The following KLHL5 variants were observed in gnomAD, a reference collection of about 807,000 sequenced individuals.
The protein encoded by KLHL5 is kelch like family member 5, also known as kelch-like protein 5.
Under a neutral mutation model 77.7 loss-of-function variants are expected in KLHL5, and 48 were observed. That is an observed-to-expected ratio of 0.62 (90% CI 0.49 to 0.79). The LOEUF is 0.79. Among genes scored for constraint, KLHL5 ranks in the 30% least tolerant of loss-of-function variants. The probability of loss-of-function intolerance (pLI) is 0.00; values close to 1 mark genes in which losing one functional copy is unlikely to be tolerated. For synonymous variants in KLHL5, 260 were observed against 297.0 expected (o/e 0.88, Z 1.28); for missense variants, 723 against 859.7 (o/e 0.84, Z 1.99).
intron 1 of KLHL5, among the ~76,000 whole-genome samples, chr4:39,052,960 TA>T (rs547862065): frequency 1.4e-3 from 214 of 152,356 alleles, no homozygotes; most frequent in African/African-American, 4.8e-3. Flanking sequence ...TGATCTCCAC[TA>T]ATCTCCATTT....
intron 2 of KLHL5, among the ~76,000 whole-genome samples, chr4:39,080,535 A>T (rs1033305226): frequency 1.1e-4 from 17 of 151,790 alleles, no homozygotes; most frequent in Non-Finnish European, 2.4e-4. Context: ...AAAAAAAAAA[A>T]ATTATAATTT....
intron 6 of KLHL5, among the ~76,000 whole-genome samples, chr4:39,098,943 C>T (rs1363683284): frequency 6.6e-6 from 1 of 152,068 alleles, no homozygotes; most frequent in East Asian, 1.9e-4. Flanking sequence ...TTTGGGAAAA[C>T]TGGGTCAAAG....
At chr4:39,077,978 A>C (rs904097354) in intron 2 of KLHL5, among the ~76,000 whole-genome samples, 2 of 152,208 alleles carry the variant, frequency 1.3e-5, no homozygotes, top group South Asian at 2.1e-4. Context: ...GATTCTCAGC[A>C]ACCTGGATGG....
chr4:39,059,198 T>C (rs1374230923), upstream of KLHL5, among the ~76,000 whole-genome samples: 1 of 152,168 alleles, frequency 6.6e-6, no homozygotes, highest in Non-Finnish European at 1.5e-5. Flanking sequence ...CTGAATTTCA[T>C]GCCATAAAGG....
chr4:39,119,568 G>A (rs1208714421), intron 10 of KLHL5, among the ~76,000 whole-genome samples: 2 of 152,198 alleles, frequency 1.3e-5, no homozygotes, highest in Admixed American at 1.3e-4. Context: ...CTGGGTGACA[G>A]TGCAAGACTC....
rs577472922 is a variant in KLHL5, at chr4:39,050,184, T to C, written c.-95+5088T>C. Among the ~76,000 whole-genome samples, 55 of 152,350 alleles carry C rather than the reference T, an allele frequency of 3.6e-4. 1 individual carries two copies. Among genetic ancestry groups the C allele is most frequent in the African/African-American group, 1.3e-3 (52 of 41,578 alleles). Reference sequence around the variant, plus strand: ...GGCATCATTTACAGTATGTAAATGATGTGTATACACACATATATAAAATAG... The same window carrying C: ...GGCATCATTTACAGTATGTAAATGACGTGTATACACACATATATAAAATAG... On this transcript the variant is annotated intron_variant, in intron 1 of 11. Transcript: ENST00000261425.
chr4:39,085,710 G>A (rs1292742864), intron 4 of KLHL5, among the ~76,000 whole-genome samples: 1 of 152,020 alleles, frequency 6.6e-6, no homozygotes, highest in Admixed American at 6.6e-5. Flanking sequence ...TGATTCTAAC[G>A]TGAGGCCAGG....
At chr4:39,114,872 T>C (rs780478228) in intron 9 of KLHL5, among the ~76,000 whole-genome samples, 4 of 152,214 alleles carry the variant, frequency 2.6e-5, no homozygotes, top group Non-Finnish European at 5.9e-5. Flanking sequence ...CAGAGCTTAA[T>C]GCATTGCTTT....
chr4:39,091,679 T>A (rs566376684), intron 5 of KLHL5, among the ~76,000 whole-genome samples: 3 of 151,618 alleles, frequency 2.0e-5, no homozygotes, highest in Non-Finnish European at 4.4e-5. Flanking sequence ...AAACAACTTT[T>A]TTTTTTTTTT....
chr4:39,100,857 CT>C (rs1235917349), intron 6 of KLHL5, among the ~76,000 whole-genome samples: 3 of 152,004 alleles, frequency 2.0e-5, no homozygotes, highest in Non-Finnish European at 4.4e-5. Flanking sequence ...CCTAATTTAT[CT>C]TATTTCCCAT....
downstream of KLHL5, among the ~76,000 whole-genome samples, chr4:39,130,396 G>A (rs1335168469): frequency 6.6e-6 from 1 of 152,182 alleles, no homozygotes; most frequent in Non-Finnish European, 1.5e-5. Context: ...TGCCCTAGGT[G>A]GGCCAGGTGT....
chr4:39,116,042 A>G, intron 10 of KLHL5: 12 of 985,398 alleles, frequency 1.2e-5, no homozygotes, highest in Non-Finnish European at 1.4e-5. Context: ...CAAGAAAACA[A>G]AGCTTCTAGG....
chr4:39,064,429 A>G (rs901128294), intron 1 of KLHL5, among the ~76,000 whole-genome samples: 2 of 152,146 alleles, frequency 1.3e-5, no homozygotes, highest in East Asian at 1.9e-4. Context: ...TAAAAGATTC[A>G]TCATTTTTGT....
the KLHL5 span, among the ~76,000 whole-genome samples, chr4:39,141,253 G>A: frequency 6.7e-6 from 1 of 150,238 alleles, no homozygotes; most frequent in Non-Finnish European, 1.5e-5. Context: ...ATATTTCTGA[G>A]CTATATTAAA....
chr4:39,046,181 C>G (rs1716174402), intron 1 of KLHL5, among the ~76,000 whole-genome samples: 1 of 151,652 alleles, frequency 6.6e-6, no homozygotes, highest in South Asian at 2.1e-4. Flanking sequence ...GCAGGGAGGG[C>G]AGAATCAACA....
chr4:39,106,029 G>A (rs891968303), intron 7 of KLHL5, among the ~76,000 whole-genome samples: 8 of 152,080 alleles, frequency 5.3e-5, no homozygotes, highest in East Asian at 3.9e-4. Flanking sequence ...CATGGAGACC[G>A]TTCTCCATCT....
At chr4:39,082,427 T>C (rs959392672) in intron 4 of KLHL5, among the ~76,000 whole-genome samples, 2 of 152,156 alleles carry the variant, frequency 1.3e-5, no homozygotes, top group African/African-American at 4.8e-5. Context: ...ATTTTCAGAT[T>C]TGCTGCTTTT....
intron 9 of KLHL5, among the ~76,000 whole-genome samples, chr4:39,113,759 C>G (rs951958929): frequency 6.6e-6 from 1 of 152,020 alleles, no homozygotes; most frequent in Non-Finnish European, 1.5e-5. Flanking sequence ...GTGGTACAAT[C>G]AATAGGAGCT....
At chr4:39,129,981 C>G (rs1053336057), downstream of KLHL5, among the ~76,000 whole-genome samples, 2 of 152,100 alleles carry the variant, frequency 1.3e-5, no homozygotes, top group African/African-American at 4.8e-5. The surrounding 1 kb of genome is among the most constrained non-coding windows in gnomAD (Gnocchi z 4.2). Flanking sequence ...GAGTTGTTAC[C>G]CCATTGCTTG....
Sources: gnomAD v4.1 joint callset for allele counts (sites outside exome capture counted in the v4.1 genomes callset) on GRCh38, gnomAD v4.1.1 for gene constraint, Gnocchi (gnomAD v3.1) non-coding constraint, MANE v1.5 for transcripts, NCBI Gene and HGNC (gene_info 2026-07-23, HGNC 2026-07-21) for gene names.